Variants in WIPF1 observed in about 807,000 individuals in gnomAD.
The protein encoded by WIPF1 is WAS/WASL-interacting protein family member 1.
In WIPF1, 13 loss-of-function variants were observed where a neutral mutation model predicts 35.4. That is an observed-to-expected ratio of 0.37 (90% CI 0.24 to 0.58). The LOEUF (loss-of-function observed/expected upper bound fraction) is 0.58, where lower values mean the gene tolerates loss of function less well. Ranked by LOEUF, WIPF1 falls within the 20% of genes least tolerant of loss-of-function variation. The pLI, the probability that WIPF1 is intolerant of heterozygous loss-of-function variation, is 0.74. For synonymous variants in WIPF1, 267 were observed against 266.3 expected (o/e 1.00, Z -0.02); for missense variants, 591 against 667.0 (o/e 0.89, Z 1.25).
chr2:174,622,456 A>G lies in WIPF1; in HGVS notation c.-38-36845T>C, dbSNP rs953984485. Among the ~76,000 whole-genome samples, 5 of 152,216 alleles carry G rather than the reference A, an allele frequency of 3.3e-5. No homozygotes were observed. Among genetic ancestry groups the G allele is most frequent in the African/African-American group, 1.2e-4 (5 of 41,466 alleles). ...ATATTTAAATAAAGAACGTTTATCC[A>G]TGTCTCCTAAAATCACCTCACAAAC... On this transcript the variant is annotated intron_variant, in intron 1 of 8. Coordinates refer to the WIPF1 transcript ENST00000272746. The surrounding 1 kb of genome is among the most constrained non-coding windows in gnomAD (Gnocchi z 5.1).
At chr2:174,569,387 T>G (rs987238828) in intron 5 of WIPF1, among the ~76,000 whole-genome samples, 4 of 151,986 alleles carry the variant, frequency 2.6e-5, no homozygotes, top group African/African-American at 9.7e-5. Context: ...GCAGCAAGAG[T>G]TGATTTACTG....
At chr2:174,597,087 T>C (rs565516957) in intron 1 of WIPF1, among the ~76,000 whole-genome samples, 1 of 152,250 alleles carries the variant, frequency 6.6e-6, no homozygotes, top group East Asian at 1.9e-4. Flanking sequence ...AATCGTATTA[T>C]AAAAGACTCT....
intron 1 of WIPF1, among the ~76,000 whole-genome samples, chr2:174,644,411 C>T (rs1452846070): frequency 2.6e-5 from 4 of 151,728 alleles, no homozygotes; most frequent in Non-Finnish European, 5.9e-5. Flanking sequence ...GGGTATGCTG[C>T]CAGGTATCCA....
intron 1 of WIPF1, among the ~76,000 whole-genome samples, chr2:174,624,022 TAAAAA>T (rs1559164431): frequency 6.6e-6 from 1 of 151,278 alleles, no homozygotes; most frequent in Non-Finnish European, 1.5e-5. Flanking sequence ...GAAAGATTCT[TAAAAA>T]AAGAAAAAAA....
intron 1 of WIPF1, among the ~76,000 whole-genome samples, chr2:174,662,278 C>A (rs1463011169): frequency 6.6e-6 from 1 of 152,202 alleles, no homozygotes; most frequent in Non-Finnish European, 1.5e-5. Context: ...CATACATGTT[C>A]AGTACAGGCA....
At chr2:174,655,415 A>G (rs1035304274) in intron 1 of WIPF1, 5 of 152,204 alleles carry the variant, frequency 3.3e-5, no homozygotes, top group Non-Finnish European at 7.3e-5. Context: ...TGTTCTTAAC[A>G]TGGCTTACTT....
At chr2:174,682,198 C>T (rs573804015) in intron 1 of WIPF1, among the ~76,000 whole-genome samples, 25 of 152,348 alleles carry the variant, frequency 1.6e-4, no homozygotes, top group Non-Finnish European at 3.5e-4. Flanking sequence ...CGACGCAGAC[C>T]CCTAACGCGC....
rs71407131 is a variant in WIPF1, at chr2:174,591,673, TACAC to T, written c.-39+5924_-39+5927del. On this transcript the variant is annotated intron_variant, in intron 1 of 7. Coordinates refer to ENST00000679041, the MANE Select transcript of WIPF1 (RefSeq NM_001375834.1). Reference sequence around the variant, plus strand: ...TAATTACTGTTTCTTCTTTGTTGCTTACACACACACACACACACACACACACACA... The same window carrying T: ...TAATTACTGTTTCTTCTTTGTTGCTTACACACACACACACACACACACACA... Among the ~76,000 whole-genome samples, 477 of 146,788 alleles carry T rather than the reference TACAC, an allele frequency of 3.2e-3. 2 individuals carry two copies. The highest frequency in any genetic ancestry group is 9.0e-3 in the African/African-American group (358 of 39,890).
intron 1 of WIPF1, among the ~76,000 whole-genome samples, chr2:174,674,205 A>G (rs1348862530): frequency 6.6e-6 from 1 of 152,210 alleles, no homozygotes; most frequent in Non-Finnish European, 1.5e-5. Flanking sequence ...AGGACTTTCA[A>G]CAACAGTCCA....
chr2:174,561,818 A>G lies in WIPF1; in HGVS notation c.*729T>C. The G allele has an allele frequency of 2.6e-6, 1 of 379,216 alleles. No homozygotes were observed. The highest frequency in any genetic ancestry group is 4.8e-6 in the Non-Finnish European group (1 of 208,866). 23.5% of individuals were successfully genotyped at this position (379,216 alleles called of 1,614,324 possible). On this transcript the variant is annotated 3_prime_UTR_variant, in exon 8 of 8. Coordinates refer to ENST00000679041, the MANE Select transcript of WIPF1 (RefSeq NM_001375834.1). ...ACATGTGGCTACTGAGCACTTAAAA[A>G]TGTGACTAGTCTGAATGGAGATGTG...
chr2:174,677,406 T>C (rs1688157733), intron 1 of WIPF1, among the ~76,000 whole-genome samples: 1 of 152,234 alleles, frequency 6.6e-6, no homozygotes, highest in Admixed American at 6.5e-5. Context: ...GTGATTGTCT[T>C]GAAAGAGCTT....
At chr2:174,617,701 T>A (rs1351449421) in intron 1 of WIPF1, among the ~76,000 whole-genome samples, 2 of 152,190 alleles carry the variant, frequency 1.3e-5, no homozygotes, top group Non-Finnish European at 1.5e-5. Flanking sequence ...CACCCTGTGG[T>A]GGTGATGTTC....
At chr2:174,563,026 C>T (rs1446465980) in intron 7 of WIPF1, among the ~76,000 whole-genome samples, 1 of 152,160 alleles carries the variant, frequency 6.6e-6, no homozygotes, top group African/African-American at 2.4e-5. Flanking sequence ...GAACATCTTT[C>T]GAAGGCATTA....
At chr2:174,589,359 A>T (rs1235283505) in intron 1 of WIPF1, among the ~76,000 whole-genome samples, 1 of 152,216 alleles carries the variant, frequency 6.6e-6, no homozygotes, top group Non-Finnish European at 1.5e-5. Context: ...TGGGCAAAAG[A>T]ATCAGCCCTA....
At chr2:174,640,727 C>T (rs1687279363) in intron 1 of WIPF1, among the ~76,000 whole-genome samples, 1 of 151,696 alleles carries the variant, frequency 6.6e-6, no homozygotes. Context: ...TCGTCATTTA[C>T]ATAAGGTATA....
chr2:174,606,504 G>C (rs1421204550), intron 1 of WIPF1, among the ~76,000 whole-genome samples: 3 of 152,168 alleles, frequency 2.0e-5, no homozygotes, highest in South Asian at 2.1e-4. Context: ...GACAGTGAGG[G>C]CCTGACACGC....
rs1300280311 is a variant in WIPF1 at position 174,585,506 on chromosome 2, G to A, written c.51+17C>T. ...CTTGCTTTATGCATAGAAAGTGTTT[G>A]GGGAGGAGACACTCACCAGTGCAAA... is the stretch of plus-strand genomic sequence containing the variant. On this transcript the variant is annotated intron_variant, in intron 2 of 7. Transcript: ENST00000679041. The A allele has an allele frequency of 1.9e-6, 3 of 1,612,350 alleles. No homozygotes were observed. Among genetic ancestry groups the A allele is most frequent in the South Asian group, 2.2e-5 (2 of 90,976 alleles).
chr2:174,586,759 G>A (rs895176418), intron 1 of WIPF1, among the ~76,000 whole-genome samples: 1 of 152,154 alleles, frequency 6.6e-6, no homozygotes, highest in African/African-American at 2.4e-5. Flanking sequence ...CTGTGGTCCT[G>A]GATAGGCAGC....
chr2:174,591,407 A>G (rs1232819814), intron 1 of WIPF1, among the ~76,000 whole-genome samples: 1 of 152,240 alleles, frequency 6.6e-6, no homozygotes, highest in East Asian at 1.9e-4. Context: ...CTGATTTCTC[A>G]GCAAGATATT....
Sources: gnomAD v4.1 joint callset for allele counts (sites outside exome capture counted in the v4.1 genomes callset) on GRCh38, gnomAD v4.1.1 for gene constraint, Gnocchi (gnomAD v3.1) non-coding constraint, MANE v1.5 for transcripts, NCBI Gene and HGNC (gene_info 2026-07-23, HGNC 2026-07-21) for gene names.